G2E3: variants seen among roughly 807,000 people sequenced by gnomAD.
G2E3 encodes G2/M-phase specific E3 ubiquitin protein ligase.
G2E3 carries 35 observed loss-of-function variants against 92.8 expected under a neutral mutation model. The observed-to-expected ratio is 0.38, with a 90% CI of 0.29 to 0.50. The LOEUF is 0.50. Among genes scored for constraint, G2E3 ranks in the 20% least tolerant of loss-of-function variants. The pLI, the probability that G2E3 is intolerant of heterozygous loss-of-function variation, is 0.94. For synonymous variants in G2E3, 242 were observed against 272.4 expected (o/e 0.89, Z 1.10); for missense variants, 554 against 823.8 (o/e 0.67, Z 4.01).
chr14:30,600,457 C>T lies in G2E3; in HGVS notation c.753-1313C>T, dbSNP rs367886482. On this transcript the variant is annotated intron_variant, in intron 8 of 14. Coordinates refer to ENST00000206595, the MANE Select transcript of G2E3 (RefSeq NM_017769.5). ...ACTTGATCTAGTGACCCTGATTATT[C>T]ATTCGTTAACACCAATAATATCTCC... Among the ~76,000 whole-genome samples the T allele has an allele frequency of 3.3e-5, 5 of 152,176 alleles. No individual in the cohort carries two copies. In the East Asian group the frequency reaches 7.7e-4, roughly 23 times the overall value.
In G2E3 at chr14:30,598,536, A is replaced by G. The variant is rs143107321; in HGVS notation, c.689A>G (p.Tyr230Cys). 4.2e-5 allele frequency: 68 copies of G among 1,613,968 alleles called. No individual in the cohort carries two copies. Among genetic ancestry groups the G allele is most frequent in the Non-Finnish European group, 5.0e-5 (59 of 1,179,808 alleles). ...ENAYQELLQHYERCDVRRCRC... is the reference protein window; with the variant it reads ...ENAYQELLQHCERCDVRRCRC... ...GCTTATCAAGAGCTTCTGCAGCACT[A>G]TGAGCGTTGTGATGTTCGAAGATGT... Residue 230 changes from tyrosine to cysteine, a missense_variant, in exon 8 of 15, where the codon TAT becomes TGT. Around this residue, in one of 3 missense-constraint regions of G2E3, gnomAD observed 397 missense variants for 560.3 expected, o/e 0.71. Transcript: ENST00000206595.
intron 8 of G2E3, among the ~76,000 whole-genome samples, chr14:30,599,856 T>TA (rs1881479502): frequency 6.6e-6 from 1 of 152,202 alleles, no homozygotes. Flanking sequence ...AGCACTGTTC[T>TA]AGAGGGTAAT....
At chr14:30,562,791 G>C (rs976573431) in intron 1 of G2E3, among the ~76,000 whole-genome samples, 1 of 152,114 alleles carries the variant, frequency 6.6e-6, no homozygotes. Context: ...TTTAGATAGC[G>C]GTAGCAAATT....
At chr14:30,599,847 G>A (rs1881478875) in intron 8 of G2E3, among the ~76,000 whole-genome samples, 1 of 152,102 alleles carries the variant, frequency 6.6e-6, no homozygotes, top group African/African-American at 2.4e-5. Context: ...CTATTGGACA[G>A]CACTGTTCTA....
chr14:30,563,739 GA>G (rs1402439197), intron 1 of G2E3, among the ~76,000 whole-genome samples: 37 of 142,516 alleles, frequency 2.6e-4, no homozygotes, highest in African/African-American at 8.5e-4. Context: ...GTGTGTGTGT[GA>G]TATAGAGTCT....
At chr14:30,578,732 A>G (rs752191772) in intron 1 of G2E3, among the ~76,000 whole-genome samples, 1 of 152,174 alleles carries the variant, frequency 6.6e-6, no homozygotes, top group African/African-American at 2.4e-5. Flanking sequence ...ATGTGTATGG[A>G]TGGATTTATG....
intron 6 of G2E3, among the ~76,000 whole-genome samples, chr14:30,595,364 T>C (rs879371543): frequency 1.3e-5 from 2 of 152,232 alleles, no homozygotes; most frequent in Non-Finnish European, 2.9e-5. Context: ...TGTGTCATCT[T>C]GTTAATTTTG....
chr14:30,602,375 A>G (rs1307263586), intron 10 of G2E3, among the ~76,000 whole-genome samples: 1 of 54,088 alleles, frequency 1.8e-5, no homozygotes, highest in Non-Finnish European at 2.9e-5. Context: ...TATCTATCCT[A>G]CTGCATCATA....
chr14:30,593,666 T>C (rs1288302152), intron 6 of G2E3, 27 bp downstream of exon 6: 1 of 1,504,294 alleles, frequency 6.6e-7, no homozygotes, highest in Non-Finnish European at 9.2e-7. Context: ...GTAAGCTTTC[T>C]CTGATTGATA....
chr14:30,605,413 T>TC, intron 10 of G2E3, 92 bp from the exon 11 acceptor site: 1 of 502,918 alleles, frequency 2.0e-6, no homozygotes, highest in Non-Finnish European at 3.5e-6. Context: ...AATCTTTTTT[T>TC]CCCCTCGTCT....
intron 1 of G2E3, among the ~76,000 whole-genome samples, chr14:30,569,677 A>G (rs868252917): frequency 6.6e-6 from 1 of 152,170 alleles, no homozygotes; most frequent in Admixed American, 6.5e-5. Context: ...TGACTTGGTC[A>G]GTGGAAGGGG....
chr14:30,598,455 A>G, intron 7 of G2E3, 28 bp from the exon 8 acceptor site: 3 of 1,330,810 alleles, frequency 2.3e-6, no homozygotes, highest in Non-Finnish European at 3.3e-6. Flanking sequence ...TTTATAGGTC[A>G]AAGCATATTT....
intron 8 of G2E3, among the ~76,000 whole-genome samples, chr14:30,600,521 A>G (rs397632): frequency 0.027 from 4,156 of 152,276 alleles, 183 homozygotes; most frequent in African/African-American, 0.095. Context: ...AATAATGTAT[A>G]TAGAATTTTA....
At chr14:30,612,948 T>G (rs1170955311) in intron 13 of G2E3, among the ~76,000 whole-genome samples, 1 of 152,226 alleles carries the variant, frequency 6.6e-6, no homozygotes, top group Non-Finnish European at 1.5e-5. Flanking sequence ...AAAATATTCT[T>G]TTTAAAACTC....
At position 30,616,441 on chromosome 14, in the gene G2E3, T is replaced by C. The variant is rs1882318524; in HGVS notation, c.2028T>C (p.Asn676=). 1 of 1,610,222 alleles carries C rather than the reference T, an allele frequency of 6.2e-7. No homozygotes were observed. Among genetic ancestry groups the C allele is most frequent in the Non-Finnish European group, 8.5e-7 (1 of 1,176,678 alleles). The change falls in exon 15 of 15, where the codon AAT becomes AAC. Residue 676 remains asparagine, a synonymous_variant. Transcript: ENST00000206595. ...CNNCLAIPIT[N]TYKEFQENMD... ...ACTGTTTAGCAATTCCCATCACCAA[T>C]ACATATAAAGAGTTTCAAGAAAATA...
chr14:30,596,453 ATAT>A (rs1452500266), intron 6 of G2E3, among the ~76,000 whole-genome samples: 1 of 152,052 alleles, frequency 6.6e-6, no homozygotes, highest in Admixed American at 6.6e-5. Flanking sequence ...ATCCTTAACT[ATAT>A]TATTAATTGT....
At chr14:30,607,799 A>C (rs1201615886) in intron 11 of G2E3, 89 bp from the exon 12 acceptor site, 2 of 624,088 alleles carry the variant, frequency 3.2e-6, no homozygotes, top group Non-Finnish European at 5.3e-6. Flanking sequence ...TCTAATGCTT[A>C]GATTTTTGGA....
chr14:30,581,880 A>T (rs1880456143), intron 2 of G2E3, among the ~76,000 whole-genome samples: 1 of 152,212 alleles, frequency 6.6e-6, no homozygotes, highest in Non-Finnish European at 1.5e-5. Flanking sequence ...TTAAATGATT[A>T]CACTCTTCTG....
chr14:30,592,671 T>G (rs1048976236), intron 5 of G2E3, among the ~76,000 whole-genome samples: 3 of 151,940 alleles, frequency 2.0e-5, no homozygotes, highest in Admixed American at 2.0e-4. Flanking sequence ...GCTTTCATTT[T>G]CAATTTTCAG....
Sources: gnomAD v4.1 joint callset for allele counts (sites outside exome capture counted in the v4.1 genomes callset) on GRCh38, gnomAD v4.1.1 for gene constraint, gnomAD v4.1.1 regional missense constraint, MANE v1.5 for transcripts, NCBI Gene and HGNC (gene_info 2026-07-23, HGNC 2026-07-21) for gene names.